Variants in WDR31 observed in about 807,000 individuals in gnomAD.
WDR31 encodes WD repeat-containing protein 31.
In WDR31, 30 loss-of-function variants were observed where a neutral mutation model predicts 47.3. The observed-to-expected ratio is 0.63, with a 90% confidence interval of 0.47 to 0.86. The LOEUF (loss-of-function observed/expected upper bound fraction) is 0.86, where lower values mean the gene tolerates loss of function less well. Ranked by LOEUF, WDR31 falls within the 40% of genes least tolerant of loss-of-function variation. The pLI is 0.00. For synonymous variants in WDR31, 137 were observed against 159.4 expected, an observed-to-expected ratio of 0.86 and a Z score of 1.06; for missense variants, 406 against 442.9, an observed-to-expected ratio of 0.92 and a Z score of 0.75.
chr9:113,329,763 C>T (rs988332112), intron 4 of WDR31, among the ~76,000 whole-genome samples: 6 of 151,812 alleles, frequency 4.0e-5, no homozygotes, highest in African/African-American at 7.3e-5. Context: ...CACCTGAGGT[C>T]GGGAGTTCGA....
intron 5 of WDR31, among the ~76,000 whole-genome samples, chr9:113,328,415 C>CT (rs1202504634): frequency 2.6e-5 from 4 of 152,336 alleles, no homozygotes; most frequent in African/African-American, 7.2e-5. Context: ...TTGGCATTCT[C>CT]TATCATTTTT....
chr9:113,330,881 C>T (rs1216658991), intron 4 of WDR31, 103 bp downstream of exon 4: 2 of 1,315,588 alleles, frequency 1.5e-6, no homozygotes, highest in Non-Finnish European at 2.0e-6. Flanking sequence ...TATTTTTACA[C>T]TTGTCAACCC....
At chr9:113,317,398 T>C (rs1833229683) in intron 10 of WDR31, among the ~76,000 whole-genome samples, 1 of 152,224 alleles carries the variant, frequency 6.6e-6, no homozygotes, top group South Asian at 2.1e-4. Flanking sequence ...TACAGGCGCA[T>C]ACCTGGTGGG....
At chr9:113,317,720 T>A (rs962151482) in intron 10 of WDR31, among the ~76,000 whole-genome samples, 2 of 152,206 alleles carry the variant, frequency 1.3e-5, no homozygotes, top group Non-Finnish European at 2.9e-5. Flanking sequence ...TGGTTTAAAG[T>A]TCTTTAAGGC....
rs71367717 is a variant in WDR31, at chr9:113,315,670, GT to G, written c.*1078del. On this transcript the variant is annotated 3_prime_UTR_variant, in exon 11 of 11. Transcript: ENST00000374193. ...TCTTTTTTCCTGTATGTGGTTTTTT[GT>G]TTTTTTTTTTTTCAAGACAAGGTCT... is the stretch of plus-strand genomic sequence containing the variant. The G allele has an allele frequency of 3.9e-3, 569 of 144,172 alleles. 2 individuals carry two copies. Among genetic ancestry groups the G allele is most frequent in the Middle Eastern group, 7.0e-3 (2 of 286 alleles). The allele number at this position is 144,172 out of a possible 1,614,324, so 8.9% of individuals were successfully genotyped here.
At chr9:113,330,709 C>G (rs764611351) in intron 4 of WDR31, among the ~76,000 whole-genome samples, 20 of 152,150 alleles carry the variant, frequency 1.3e-4, no homozygotes, top group Non-Finnish European at 2.6e-4. Context: ...AAGATCTCAC[C>G]TACGTTCTTT....
At chr9:113,319,252 A>G (rs1833275656) in intron 9 of WDR31, among the ~76,000 whole-genome samples, 1 of 152,230 alleles carries the variant, frequency 6.6e-6, no homozygotes, top group Non-Finnish European at 1.5e-5. Context: ...GGAGGAGAGC[A>G]AATTGAATTA....
intron 8 of WDR31, among the ~76,000 whole-genome samples, chr9:113,321,169 G>A (rs1222462469): frequency 6.6e-6 from 1 of 152,198 alleles, no homozygotes; most frequent in Non-Finnish European, 1.5e-5. Context: ...GCCATGCAGG[G>A]GTAGCAAGGA....
At chr9:113,326,836 T>C (rs1833481510) in intron 5 of WDR31, among the ~76,000 whole-genome samples, 1 of 152,136 alleles carries the variant, frequency 6.6e-6, no homozygotes, top group East Asian at 1.9e-4. Flanking sequence ...ATTCTTCTAT[T>C]GTCTTACTTT....
chr9:113,313,664 C>A lies in WDR31; in HGVS notation c.*3085G>T, dbSNP rs1259084775. The stretch of plus-strand genomic sequence containing the variant: ...TGGGCAAAGTACTGCATGTTTCTAG[C>A]CCTCAGCTTCCTCATCTGTGAAATG... On this transcript the variant is annotated 3_prime_UTR_variant, in exon 11 of 11. Coordinates refer to ENST00000374193, the MANE Select transcript of WDR31 (RefSeq NM_001012361.4). 1 of 152,170 alleles carries A rather than the reference C, an allele frequency of 6.6e-6. No homozygotes were observed. The highest frequency in any genetic ancestry group is 1.5e-5 in the Non-Finnish European group (1 of 68,054). 9.4% of individuals were successfully genotyped at this position (152,170 alleles called of 1,614,324 possible).
intron 1 of WDR31, among the ~76,000 whole-genome samples, chr9:113,338,962 A>C (rs991045187): frequency 2.6e-5 from 4 of 152,176 alleles, no homozygotes; most frequent in Admixed American, 2.6e-4. Context: ...GCGCCCTTTT[A>C]ACCTGCCCAA....
At chr9:113,320,248 C>T in intron 9 of WDR31, 109 bp downstream of exon 9, 2 of 1,407,946 alleles carry the variant, frequency 1.4e-6, no homozygotes, top group Non-Finnish European at 1.9e-6. Context: ...TTGAAAGAGG[C>T]CTGAGCCATT....
Position 113,322,884 on chromosome 9 carries a change from C to T in WDR31, c.497G>A (p.Arg166Gln), listed in dbSNP as rs773224860. 2.7e-5 allele frequency: 43 copies of T among 1,614,012 alleles called. No individual in the cohort carries two copies. The highest frequency in any genetic ancestry group is 1.2e-4 in the African/African-American group (9 of 74,888). The stretch of plus-strand genomic sequence containing the variant: ...ATCCCACAGAAGCAGGGTGTTGTCC[C>T]GAGAGCCAGTGCACAGCTGTGATGA... ...PDSSQLCTGS[R>Q]DNTLLLWDVV... Residue 166 changes from arginine to glutamine, a missense_variant, in exon 7 of 11, where the codon CGG becomes CAG. Arg to Gln is a conservative substitution (Grantham distance 43, BLOSUM62 1). Transcript: ENST00000374193.
intron 7 of WDR31, among the ~76,000 whole-genome samples, chr9:113,322,575 G>A (rs1833348039): frequency 6.6e-6 from 1 of 152,074 alleles, no homozygotes; most frequent in African/African-American, 2.4e-5. Flanking sequence ...AAATAATGAA[G>A]ACACCATTTT....
chr9:113,323,048 G>T lies in WDR31; in HGVS notation c.432C>A (p.Gly144=), dbSNP rs749155216. Reference sequence around the variant, plus strand: ...CCAATCCGGTGACCACCATGGCATGGCCACACAATTGCTGCCTTGGTTGTG... The same window carrying T: ...CCAATCCGGTGACCACCATGGCATGTCCACACAATTGCTGCCTTGGTTGTG... ...GSSQPRQQLC[G]HAMVVTGLAV... is the part of the protein sequence containing the mutation. The change falls in exon 6 of 11, where the codon GGC becomes GGA. Residue 144 remains glycine (G), a synonymous_variant. Coordinates refer to ENST00000374193, the MANE Select transcript of WDR31 (RefSeq NM_001012361.4). 1 of 1,614,180 alleles carries T rather than the reference G, an allele frequency of 6.2e-7. No individual in the cohort carries two copies. Among genetic ancestry groups the T allele is most frequent in the Non-Finnish European group, 8.5e-7 (1 of 1,180,030 alleles).
intron 2 of WDR31, 137 bp from the exon 3 acceptor site, chr9:113,332,187 C>A: frequency 1.7e-6 from 1 of 579,456 alleles, no homozygotes; most frequent in Non-Finnish European, 3.0e-6. Context: ...ACTTACAGCC[C>A]TGAGGTTGCA....
At chr9:113,329,563 C>T (rs28375224) in intron 4 of WDR31, among the ~76,000 whole-genome samples, 2,903 of 151,598 alleles carry the variant, frequency 0.019, 93 homozygotes, top group African/African-American at 0.066. Flanking sequence ...TTGCTTGAAC[C>T]TGGGAGGTGG....
At position 113,320,499 on chromosome 9, in the gene WDR31, C is replaced by T. The variant is rs756060602; in HGVS notation, c.639-1G>A. The T allele has an allele frequency of 1.9e-6, 3 of 1,613,202 alleles. No individual in the cohort carries two copies. Among genetic ancestry groups the T allele is most frequent in the Non-Finnish European group, 2.5e-6 (3 of 1,179,544 alleles). On this transcript the variant is annotated splice_acceptor_variant, in intron 8 of 10. Transcript: ENST00000374193. LOFTEE classifies it high-confidence loss of function. ...CTGCAGCCCCCGACTGTCCCATAAT[C>T]TGAAAGAGATTAGGGCAGGAAATTA...
chr9:113,330,573 AGAG>A (rs1424039617), intron 4 of WDR31, among the ~76,000 whole-genome samples: 1 of 152,202 alleles, frequency 6.6e-6, no homozygotes, highest in East Asian at 1.9e-4. Flanking sequence ...GCATAAAAGA[AGAG>A]ATTAGACAGT....
Sources: gnomAD v4.1 joint callset for allele counts (sites outside exome capture counted in the v4.1 genomes callset) on GRCh38, gnomAD v4.1.1 for gene constraint, MANE v1.5 for transcripts, NCBI Gene and HGNC (gene_info 2026-07-23, HGNC 2026-07-21) for gene names.